The following CLVS1 variants were observed in gnomAD, a reference collection of about 807,000 sequenced individuals.
The protein encoded by CLVS1 is clavesin 1.
CLVS1 carries 10 observed loss-of-function variants against 33.1 expected under a neutral mutation model. That is an observed-to-expected ratio of 0.30 (90% CI 0.19 to 0.51). The LOEUF (loss-of-function observed/expected upper bound fraction) is 0.51. CLVS1 is among the 20% of genes least tolerant of loss of function. The pLI is 0.97. For synonymous variants in CLVS1, 163 were observed against 166.1 expected, an observed-to-expected ratio of 0.98 and a Z score of 0.14; for missense variants, 343 against 433.4, an observed-to-expected ratio of 0.79 and a Z score of 1.85.
chr8:61,248,151 T>A (rs1484118399), intron 2 of CLVS1, among the ~76,000 whole-genome samples: 1 of 152,196 alleles, frequency 6.6e-6, no homozygotes, highest in Non-Finnish European at 1.5e-5. Flanking sequence ...TATGTGCCTG[T>A]TTTGGTATTA....
At chr8:61,067,187 T>C (rs973016592) in intron 1 of CLVS1, among the ~76,000 whole-genome samples, 5 of 152,176 alleles carry the variant, frequency 3.3e-5, no homozygotes, top group Non-Finnish European at 7.3e-5. Flanking sequence ...AATTGTATTG[T>C]AATTTTACAT....
chr8:61,013,024 T>G, the CLVS1 span, among the ~76,000 whole-genome samples: 19 of 152,262 alleles, frequency 1.2e-4, no homozygotes, highest in African/African-American at 3.4e-4. Context: ...GCCGTCCATC[T>G]TGGAATCCCT....
intron 1 of CLVS1, among the ~76,000 whole-genome samples, chr8:61,108,094 C>T (rs1208768412): frequency 1.3e-5 from 2 of 151,648 alleles, no homozygotes; most frequent in Admixed American, 6.6e-5. Flanking sequence ...ATGGTGAAAC[C>T]CCATCTCTAC....
At chr8:61,385,868 G>T (rs947459515) in intron 3 of CLVS1, among the ~76,000 whole-genome samples, 3 of 152,174 alleles carry the variant, frequency 2.0e-5, no homozygotes, top group Admixed American at 2.0e-4. Flanking sequence ...TTCTACACCT[G>T]AACCATAGAG....
intron 5 of CLVS1, chr8:61,464,584 A>G (rs528101458): frequency 6.6e-6 from 1 of 152,418 alleles, no homozygotes; most frequent in South Asian, 2.1e-4. Context: ...AATTTTGTCC[A>G]GGAAGACTCT....
chr8:61,228,002 A>C (rs1808364094), intron 2 of CLVS1, among the ~76,000 whole-genome samples: 1 of 152,204 alleles, frequency 6.6e-6, no homozygotes. Context: ...AAGTGATGTG[A>C]AGACAAAAAA....
chr8:61,494,972 C>T (rs918156282), intron 5 of CLVS1, among the ~76,000 whole-genome samples: 5 of 152,134 alleles, frequency 3.3e-5, no homozygotes, highest in Admixed American at 1.3e-4. Context: ...TTTGGTTCCT[C>T]GGCCTCACTA....
chr8:61,036,652 T>C, the CLVS1 span, among the ~76,000 whole-genome samples: 1 of 152,212 alleles, frequency 6.6e-6, no homozygotes, highest in Non-Finnish European at 1.5e-5. Context: ...TGAGATCTGG[T>C]TTGCATGCCT....
chr8:61,426,154 A>G lies in CLVS1; in HGVS notation c.631-27987A>G, dbSNP rs190926979. 2.0e-5 allele frequency among the ~76,000 whole-genome samples: 3 copies of G among 152,318 alleles called. No homozygotes were observed. In the East Asian group the frequency reaches 5.8e-4, roughly 29 times the overall value. ...TAATCCCTTTCAGGGGAAACTGACC[A>G]GATGTGGCCAGTGAGCACCAATTCC... On this transcript the variant is annotated intron_variant, in intron 3 of 5. Transcript: ENST00000325897.
chr8:61,331,620 C>T (rs1248005455), intron 2 of CLVS1, among the ~76,000 whole-genome samples: 1 of 151,416 alleles, frequency 6.6e-6, no homozygotes, highest in Non-Finnish European at 1.5e-5. Context: ...TCCTGTCCTT[C>T]TCTGCACTTT....
chr8:61,419,544 T>C (rs960309599), intron 3 of CLVS1, among the ~76,000 whole-genome samples: 14 of 152,160 alleles, frequency 9.2e-5, no homozygotes, highest in Non-Finnish European at 1.9e-4. Flanking sequence ...TGAAGGCTGA[T>C]GGCAGGGGAC....
intron 1 of CLVS1, among the ~76,000 whole-genome samples, chr8:61,073,508 T>C (rs893798065): frequency 2.6e-5 from 4 of 152,218 alleles, no homozygotes; most frequent in Non-Finnish European, 5.9e-5. Context: ...TTGTAGAATC[T>C]GTTTGTTCAT....
chr8:61,478,123 G>A (rs189456138), intron 5 of CLVS1, among the ~76,000 whole-genome samples: 6,633 of 152,228 alleles, frequency 0.044, 296 homozygotes, highest in African/African-American at 0.11. Context: ...GTAGTTGAGC[G>A]GTTTTGAGTG....
chr8:61,397,827 T>C (rs2129603394), intron 3 of CLVS1, among the ~76,000 whole-genome samples: 1 of 152,324 alleles, frequency 6.6e-6, no homozygotes, highest in Middle Eastern at 3.4e-3. Context: ...TAAGGGTTTA[T>C]TTCTGGTCCC....
At chr8:61,022,994 T>C in the CLVS1 span, among the ~76,000 whole-genome samples, 3 of 152,262 alleles carry the variant, frequency 2.0e-5, no homozygotes, top group African/African-American at 4.8e-5. Flanking sequence ...CAGAAAATTT[T>C]TCTTTGATCA....
chr8:61,033,862 C>T, the CLVS1 span, among the ~76,000 whole-genome samples: 1 of 152,218 alleles, frequency 6.6e-6, no homozygotes, highest in Non-Finnish European at 1.5e-5. Context: ...TATTGAGAAA[C>T]AAGAGAGACT....
chr8:61,260,351 AT>A (rs1423492180), intron 2 of CLVS1, among the ~76,000 whole-genome samples: 1 of 152,196 alleles, frequency 6.6e-6, no homozygotes, highest in Non-Finnish European at 1.5e-5. Flanking sequence ...CTGAAAGACC[AT>A]TTGTTTGCAA....
chr8:61,138,508 C>T (rs577462911), intron 2 of CLVS1, among the ~76,000 whole-genome samples: 1 of 152,000 alleles, frequency 6.6e-6, no homozygotes, highest in African/African-American at 2.4e-5. Flanking sequence ...CTGTTTTAAG[C>T]GTTTCACTGT....
At position 61,232,023 on chromosome 8, in the gene CLVS1, G is replaced by GTTTGTTTGTTTGTTTGTT; in HGVS notation, c.-151-67651_-151-67650insGTTTGTTTGTTTGTTTTT. ...AGAAGGAGCCCTGAGGAAAGTTGTG[G>GTTTGTTTGTTTGTTTGTT]TTTTTTTTTTTTTTTTTTTTTTTTT... On this transcript the variant is annotated intron_variant, in intron 2 of 2. Transcript: ENST00000522621. 3.8e-4 allele frequency among the ~76,000 whole-genome samples: 24 copies of GTTTGTTTGTTTGTTTGTT among 62,654 alleles called. 1 individual carries two copies. The highest frequency in any genetic ancestry group is 8.5e-4 in the African/African-American group (18 of 21,118). The allele number at this position is 62,654 out of a possible 152,430, so 41.1% of individuals were successfully genotyped here. A position where few individuals can be genotyped will look rare whatever the true frequency, so the allele number is the denominator to read the frequency against.
Sources: allele counts gnomAD v4.1 joint callset (sites outside exome capture counted in the v4.1 genomes callset), GRCh38; gene constraint gnomAD v4.1.1; transcripts MANE v1.5; gene names NCBI Gene and HGNC (gene_info 2026-07-23, HGNC 2026-07-21).